The following RECK variants were observed in gnomAD, a reference collection of about 807,000 sequenced individuals.
RECK encodes the protein reversion-inducing cysteine-rich protein with Kazal motifs.
Under a neutral mutation model 115.1 loss-of-function variants are expected in RECK, and 69 were observed. The observed-to-expected ratio is 0.60, with a 90% confidence interval of 0.49 to 0.73. RECK has a LOEUF of 0.73. Among genes scored for constraint, RECK ranks in the 30% least tolerant of loss-of-function variants. The pLI is 0.00. For missense variants in RECK, 1,047 were observed against 1,203.7 expected, an observed-to-expected ratio of 0.87 and a Z score of 1.93; for synonymous variants, 414 against 419.7, an observed-to-expected ratio of 0.99 and a Z score of 0.17.
At chr9:36,121,433 G>T (rs150579138) in intron 19 of RECK, 100 bp from the exon 20 acceptor site, 2 of 1,125,032 alleles carry the variant, frequency 1.8e-6, no homozygotes, top group South Asian at 1.5e-5. Context: ...AGGGCTGTGC[G>T]GTCAAAAGAG....
chr9:36,069,085 T>TA (rs968532903), intron 6 of RECK, among the ~76,000 whole-genome samples: 3 of 151,358 alleles, frequency 2.0e-5, no homozygotes, highest in East Asian at 1.9e-4. Context: ...CAGTTCATAA[T>TA]AAAAAAAAGT....
At chr9:36,083,217 C>A in intron 7 of RECK, 148 bp from the exon 8 acceptor site, 1 of 753,916 alleles carries the variant, frequency 1.3e-6, no homozygotes, top group Non-Finnish European at 2.2e-6. Context: ...AGTATACCTA[C>A]AGAAGTGCCG....
intron 8 of RECK, among the ~76,000 whole-genome samples, chr9:36,084,438 T>C (rs1283237131): frequency 1.3e-5 from 2 of 152,042 alleles, no homozygotes; most frequent in African/African-American, 4.8e-5. Context: ...CTCACGCCTG[T>C]AATCCCAGCA....
At chr9:36,069,510 C>T (rs1276975197) in intron 6 of RECK, among the ~76,000 whole-genome samples, 1 of 145,874 alleles carries the variant, frequency 6.9e-6, no homozygotes, top group Admixed American at 6.8e-5. Flanking sequence ...GAAGAGCAAG[C>T]ATACTTTAAA....
intron 6 of RECK, among the ~76,000 whole-genome samples, chr9:36,077,209 C>T (rs977149709): frequency 5.9e-5 from 9 of 151,902 alleles, no homozygotes; most frequent in Non-Finnish European, 1.0e-4. Context: ...AAAAGAGGCT[C>T]CATAGGAGTG....
chr9:36,056,828 T>C (rs1386033138), intron 2 of RECK, among the ~76,000 whole-genome samples: 1 of 152,210 alleles, frequency 6.6e-6, no homozygotes, highest in African/African-American at 2.4e-5. Flanking sequence ...TTAACAGTCA[T>C]TGTGATAATT....
At chr9:36,068,142 T>A (rs1164416555) in intron 6 of RECK, among the ~76,000 whole-genome samples, 1 of 152,152 alleles carries the variant, frequency 6.6e-6, no homozygotes, top group Non-Finnish European at 1.5e-5. Flanking sequence ...AACCAATATT[T>A]TAGAAACTTA....
chr9:36,059,982 G>T, intron 3 of RECK, 137 bp from the exon 4 acceptor site: 2 of 697,278 alleles, frequency 2.9e-6, no homozygotes, highest in Non-Finnish European at 2.5e-6. Context: ...GCTGATTGAT[G>T]TGCCTGTAGT....
chr9:36,118,571 C>A (rs919683582), intron 17 of RECK, among the ~76,000 whole-genome samples, 186 bp from the exon 18 acceptor site: 5 of 152,168 alleles, frequency 3.3e-5, no homozygotes, highest in African/African-American at 1.2e-4. Context: ...TCTGGAGACA[C>A]CCATATTGCT....
chr9:36,115,306 C>A (rs143058272), intron 16 of RECK, among the ~76,000 whole-genome samples: 6 of 150,608 alleles, frequency 4.0e-5, no homozygotes, highest in African/African-American at 1.5e-4. Flanking sequence ...CAGAGCAAGA[C>A]TCTGTCTCAA....
At chr9:36,111,462 C>T (rs1332708464) in intron 15 of RECK, among the ~76,000 whole-genome samples, 2 of 152,124 alleles carry the variant, frequency 1.3e-5, no homozygotes, top group African/African-American at 4.8e-5. Flanking sequence ...GGCGTGATCT[C>T]GGCTCACCAC....
intron 18 of RECK, among the ~76,000 whole-genome samples, chr9:36,120,140 C>T (rs1824404882): frequency 6.6e-6 from 1 of 151,756 alleles, no homozygotes; most frequent in Non-Finnish European, 1.5e-5. Context: ...GAGGCTGAGG[C>T]AGGAGAATGG....
At chr9:36,049,410 C>A (rs570910323) in intron 1 of RECK, among the ~76,000 whole-genome samples, 1 of 152,134 alleles carries the variant, frequency 6.6e-6, no homozygotes, top group African/African-American at 2.4e-5. Context: ...CTGAAACTAT[C>A]TAGGTCAGGG....
chr9:36,046,502 T>C (rs1477724630), intron 1 of RECK, among the ~76,000 whole-genome samples: 1 of 152,124 alleles, frequency 6.6e-6, no homozygotes, highest in East Asian at 1.9e-4. Flanking sequence ...TGGCTAAGGG[T>C]AAGAAGAGAG....
chr9:36,075,245 G>A (rs747585241), intron 6 of RECK, among the ~76,000 whole-genome samples: 1 of 152,230 alleles, frequency 6.6e-6, no homozygotes, highest in Non-Finnish European at 1.5e-5. Context: ...GGCCATTACT[G>A]TAGTCAGTTC....
chr9:36,073,114 C>A (rs1007456316), intron 6 of RECK, among the ~76,000 whole-genome samples: 3 of 151,256 alleles, frequency 2.0e-5, no homozygotes, highest in Non-Finnish European at 4.4e-5. Flanking sequence ...GAACAACAAA[C>A]AATCAAACCA....
intron 18 of RECK, 72 bp downstream of exon 18, chr9:36,119,039 C>A: frequency 7.1e-7 from 1 of 1,402,392 alleles, no homozygotes; most frequent in Non-Finnish European, 1.0e-6. Context: ...GAGAGTGAGT[C>A]ATTGAGAAGA....
At position 36,067,883 on chromosome 9, in the gene RECK, G is replaced by A. The variant is rs1433630618; in HGVS notation, c.405+2259G>A. Among the ~76,000 whole-genome samples the A allele has an allele frequency of 2.0e-5, 3 of 152,228 alleles. No individual in the cohort carries two copies. The East Asian group carries it at 5.8e-4, about 29-fold the overall frequency. ...CGTTGCAAATGAGAGAGGCCTGAAA[G>A]GATTGGTATAATTTGGGTAAAGACC... On this transcript the variant is annotated intron_variant, in intron 6 of 20. Coordinates refer to ENST00000377966, the MANE Select transcript of RECK (RefSeq NM_021111.3).
At position 36,037,104 on chromosome 9, in the gene RECK, T is replaced by A; in HGVS notation, c.100+6T>A. 7.7e-7 allele frequency: 1 copy of A among 1,296,694 alleles called. No individual in the cohort carries two copies. Among genetic ancestry groups the A allele is most frequent in the South Asian group, 2.2e-5 (1 of 45,564 alleles). The allele number at this position is 1,296,694 out of a possible 1,614,324, so 80.3% of individuals were successfully genotyped here. On this transcript the variant is annotated splice_donor_region_variant and intron_variant, in intron 1 of 20. Transcript: ENST00000377966. ...CCTGGCTCCGGGCAGTGCGGGTGAG[T>A]AACCTCCAGAGCAACGGTTCGAAGC...
Sources: gnomAD v4.1 joint callset for allele counts (sites outside exome capture counted in the v4.1 genomes callset) on GRCh38, gnomAD v4.1.1 for gene constraint, MANE v1.5 for transcripts, NCBI Gene and HGNC (gene_info 2026-07-23, HGNC 2026-07-21) for gene names.